Variants in RGS6 observed in about 807,000 individuals in gnomAD.
RGS6 encodes the protein regulator of G-protein signaling 6.
A neutral mutation model predicts 78.5 loss-of-function variants in RGS6; 30 were observed. That is an observed-to-expected ratio of 0.38 (90% CI 0.29 to 0.52). RGS6 has a LOEUF of 0.52. Among genes scored for constraint, RGS6 ranks in the 20% least tolerant of loss-of-function variants. The probability of loss-of-function intolerance (pLI) is 0.85; values close to 1 mark genes in which losing one functional copy is unlikely to be tolerated. For missense variants in RGS6, 495 were observed against 609.7 expected, an observed-to-expected ratio of 0.81 and a Z score of 1.98; for synonymous variants, 206 against 206.0, an observed-to-expected ratio of 1.00 and a Z score of 0.00.
chr14:72,179,731 A>G (rs913467064), intron 2 of RGS6, among the ~76,000 whole-genome samples: 4 of 145,822 alleles, frequency 2.7e-5, no homozygotes, highest in Non-Finnish European at 5.9e-5. Context: ...GAGTCAGCTC[A>G]TGTAACAGTG....
intron 2 of RGS6, among the ~76,000 whole-genome samples, chr14:71,989,768 C>T (rs1205923605): frequency 6.6e-6 from 1 of 152,182 alleles, no homozygotes; most frequent in East Asian, 1.9e-4. Context: ...CAGTGAACCT[C>T]AGGTCATCAA....
At chr14:72,081,983 A>G (rs1331535237) in intron 2 of RGS6, among the ~76,000 whole-genome samples, 3 of 152,048 alleles carry the variant, frequency 2.0e-5, no homozygotes, top group Non-Finnish European at 2.9e-5. Flanking sequence ...TTTTTTTAAC[A>G]GTATGGTTAT....
chr14:72,302,925 C>G (rs893178022), intron 2 of RGS6, among the ~76,000 whole-genome samples: 1 of 152,146 alleles, frequency 6.6e-6, no homozygotes, highest in African/African-American at 2.4e-5. Context: ...TCACAAGATC[C>G]GATGGTTTTA....
At chr14:71,889,735 T>A in the RGS6 span, among the ~76,000 whole-genome samples, 1 of 152,156 alleles carries the variant, frequency 6.6e-6, no homozygotes, top group South Asian at 2.1e-4. Flanking sequence ...AAATCTTAGG[T>A]TGTATTATAA....
chr14:72,364,132 A>G (rs78924270), intron 3 of RGS6, among the ~76,000 whole-genome samples: 2,840 of 152,116 alleles, frequency 0.019, 36 homozygotes, highest in Non-Finnish European at 0.026. Context: ...CACCTACTTA[A>G]CTACTGCACA....
chr14:72,267,985 G>A (rs367779438), intron 2 of RGS6, among the ~76,000 whole-genome samples: 3 of 152,282 alleles, frequency 2.0e-5, no homozygotes, highest in African/African-American at 7.2e-5. Context: ...ACACTCGTGT[G>A]GGTACATGCA....
At chr14:72,018,390 T>C (rs1365720316) in intron 2 of RGS6, among the ~76,000 whole-genome samples, 5 of 152,214 alleles carry the variant, frequency 3.3e-5, no homozygotes, top group African/African-American at 1.2e-4. Context: ...GTGGGTCTCA[T>C]TTTTTCTGTA....
chr14:72,357,485 C>A (rs1566616161), intron 3 of RGS6, among the ~76,000 whole-genome samples: 2 of 152,082 alleles, frequency 1.3e-5, no homozygotes, highest in Admixed American at 6.6e-5. Flanking sequence ...GTGATATGGA[C>A]AATAAAGTCC....
At chr14:72,071,313 C>A (rs535433944) in intron 2 of RGS6, among the ~76,000 whole-genome samples, 1 of 152,274 alleles carries the variant, frequency 6.6e-6, no homozygotes, top group African/African-American at 2.4e-5. Context: ...CTTTTGGATT[C>A]TTTCCAATTT....
intron 15 of RGS6, among the ~76,000 whole-genome samples, chr14:72,527,880 G>A (rs2097137702): frequency 6.6e-6 from 1 of 152,194 alleles, no homozygotes; most frequent in African/African-American, 2.4e-5. Flanking sequence ...GCTTAGGTAT[G>A]GAGGGCAGAG....
At chr14:72,009,943 T>C (rs1437981250) in intron 2 of RGS6, among the ~76,000 whole-genome samples, 1 of 152,232 alleles carries the variant, frequency 6.6e-6, no homozygotes, top group Non-Finnish European at 1.5e-5. Flanking sequence ...GGCTTGGTAT[T>C]ATGAAGCAGG....
the RGS6 span, among the ~76,000 whole-genome samples, chr14:72,586,883 C>G: frequency 2.6e-5 from 4 of 152,250 alleles, no homozygotes; most frequent in African/African-American, 9.6e-5. Context: ...ATGAGTCAAT[C>G]AGTCAACCAA....
At chr14:72,281,369 G>A (rs767972378) in intron 2 of RGS6, among the ~76,000 whole-genome samples, 7 of 151,944 alleles carry the variant, frequency 4.6e-5, no homozygotes, top group Non-Finnish European at 8.8e-5. Context: ...GGCTGGTCTT[G>A]AACTGCTGAC....
At chr14:72,413,204 A>G (rs2093559441) in intron 3 of RGS6, among the ~76,000 whole-genome samples, 1 of 152,198 alleles carries the variant, frequency 6.6e-6, no homozygotes, top group African/African-American at 2.4e-5. Flanking sequence ...TGGGAGTCTA[A>G]GTCTCTTTGT....
At chr14:72,349,472 A>G (rs113740749) in intron 2 of RGS6, among the ~76,000 whole-genome samples, 1,552 of 152,300 alleles carry the variant, frequency 0.01, 12 homozygotes, top group South Asian at 0.021. Flanking sequence ...ACTGCTCACT[A>G]TGAGGCCAAG....
intron 2 of RGS6, among the ~76,000 whole-genome samples, chr14:72,178,069 G>T (rs1480383751): frequency 6.6e-6 from 1 of 152,182 alleles, no homozygotes; most frequent in Non-Finnish European, 1.5e-5. Flanking sequence ...CAATGCACCT[G>T]CTGGTCTGCT....
chr14:72,596,336 G>A, the RGS6 span, among the ~76,000 whole-genome samples: 1 of 152,114 alleles, frequency 6.6e-6, no homozygotes, highest in African/African-American at 2.4e-5. Flanking sequence ...TCATTTAGGA[G>A]CCCTTGTGAT....
At chr14:72,091,420 A>G (rs1226755436) in intron 2 of RGS6, among the ~76,000 whole-genome samples, 1 of 152,152 alleles carries the variant, frequency 6.6e-6, no homozygotes, top group African/African-American at 2.4e-5. Context: ...GACCAGGACC[A>G]GATTACCCAG....
At chr14:72,500,259 C>T (rs935726735) in intron 13 of RGS6, among the ~76,000 whole-genome samples, 9 of 152,318 alleles carry the variant, frequency 5.9e-5, no homozygotes, top group African/African-American at 2.2e-4. Context: ...TCTAGGATAG[C>T]TACAGTGTTC....
Sources: allele counts gnomAD v4.1 joint callset (sites outside exome capture counted in the v4.1 genomes callset), GRCh38; gene constraint gnomAD v4.1.1; transcripts MANE v1.5; gene names NCBI Gene and HGNC (gene_info 2026-07-23, HGNC 2026-07-21).